RAB3B: variants seen among roughly 807,000 people sequenced by gnomAD.
The protein encoded by RAB3B is ras-related protein Rab-3B.
RAB3B carries 11 observed loss-of-function variants against 20.5 expected under a neutral mutation model. The observed-to-expected ratio is 0.54, with a 90% CI of 0.34 to 0.89. The LOEUF (loss-of-function observed/expected upper bound fraction) is 0.89. RAB3B is among the 40% of genes least tolerant of loss of function. RAB3B has a pLI of 0.02. For synonymous variants in RAB3B, 99 were observed against 106.3 expected, an observed-to-expected ratio of 0.93 and a Z score of 0.42; for missense variants, 225 against 280.9, an observed-to-expected ratio of 0.80 and a Z score of 1.42.
chr1:51,966,996 G>A (rs1395388391), intron 2 of RAB3B, among the ~76,000 whole-genome samples: 1 of 152,160 alleles, frequency 6.6e-6, no homozygotes, highest in Non-Finnish European at 1.5e-5. Flanking sequence ...CTCACTCTGA[G>A]CCTCAGCCTC....
rs2809925 is a variant in RAB3B, at chr1:51,917,411, G to A, written c.*2516C>T. 0.79 allele frequency: 119,891 copies of A among 152,048 alleles called. 47,981 individuals are homozygous for A. The highest frequency in any genetic ancestry group is 0.99 in the East Asian group (5,114 of 5,180). 9.4% of individuals were successfully genotyped at this position (152,048 alleles called of 1,614,324 possible). On this transcript the variant is annotated 3_prime_UTR_variant, in exon 5 of 5. Transcript: ENST00000371655. ...ATAAGTAGGAAATCAAGACTCAAAA[G>A]TGGAAAGTAACTGGCCCAGAGTCAC...
chr1:51,913,618 C>A lies in RAB3B; in HGVS notation c.*6309G>T, dbSNP rs1022516404. 1 of 152,040 alleles carries A rather than the reference C, an allele frequency of 6.6e-6. No individual in the cohort carries two copies. The highest frequency in any genetic ancestry group is 1.5e-5 in the Non-Finnish European group (1 of 68,024). The allele number at this position is 152,040 out of a possible 1,614,324, so 9.4% of individuals were successfully genotyped here. The stretch of plus-strand genomic sequence containing the variant: ...TCCCAAATAGCTGGGATTACAGATG[C>A]CCGCCACCACACCCAGCTAATTTTT... On this transcript the variant is annotated 3_prime_UTR_variant, in exon 5 of 5. Coordinates refer to ENST00000371655, the MANE Select transcript of RAB3B (RefSeq NM_002867.4).
chr1:51,988,324 AT>A (rs1333282859), intron 1 of RAB3B, among the ~76,000 whole-genome samples: 7 of 152,208 alleles, frequency 4.6e-5, no homozygotes, highest in South Asian at 2.1e-4. Flanking sequence ...CCACCTTCTC[AT>A]TGTTTTCCCA....
chr1:51,970,211 GC>G (rs1684910140), intron 2 of RAB3B, among the ~76,000 whole-genome samples: 1 of 152,076 alleles, frequency 6.6e-6, no homozygotes, highest in Admixed American at 6.5e-5. Context: ...TCTGCAATGG[GC>G]CCCACATAGA....
intron 2 of RAB3B, among the ~76,000 whole-genome samples, chr1:51,938,574 T>C (rs1394051054): frequency 1.3e-5 from 2 of 152,158 alleles, no homozygotes; most frequent in Non-Finnish European, 2.9e-5. Context: ...GTTTTATAAC[T>C]ATATGTGCAC....
In RAB3B at chr1:51,913,328, G is replaced by A. The variant is rs1684032237; in HGVS notation, c.*6599C>T. ...TACAGTTTTGCCACTTGTCTTTGGT[G>A]ATATCATCGGAGCCATGTTTTAAGA... On this transcript the variant is annotated 3_prime_UTR_variant, in exon 5 of 5. Transcript: ENST00000371655. 6.6e-6 allele frequency: 1 copy of A among 152,118 alleles called. No individual in the cohort carries two copies. The highest frequency in any genetic ancestry group is 2.4e-5 in the African/African-American group (1 of 41,420). 9.4% of individuals were successfully genotyped at this position (152,118 alleles called of 1,614,324 possible). A position where few individuals can be genotyped will look rare whatever the true frequency, so the allele number is the denominator to read the frequency against.
intron 2 of RAB3B, among the ~76,000 whole-genome samples, chr1:51,968,388 G>A (rs1684884504): frequency 6.6e-6 from 1 of 152,146 alleles, no homozygotes; most frequent in Non-Finnish European, 1.5e-5. Flanking sequence ...AAATTCTAGG[G>A]AAAAGTCTCT....
intron 4 of RAB3B, among the ~76,000 whole-genome samples, chr1:51,928,219 G>A (rs531669425): frequency 3.3e-4 from 50 of 152,252 alleles, no homozygotes; most frequent in African/African-American, 1.1e-3. Context: ...CGATTCTCCT[G>A]CCTCAGCCTC....
rs1684102804 is a variant in RAB3B at position 51,917,479 on chromosome 1, C to G, written c.*2448G>C. The G allele has an allele frequency of 6.6e-6, 1 of 151,998 alleles. No individual in the cohort carries two copies. 9.4% of individuals were successfully genotyped at this position (151,998 alleles called of 1,614,324 possible). ...AGTCCGGGTCTCCTGATTCCAAGTCCAAAGCTCTGCTCTCTGCATTGCATC... is the reference window on the plus strand; with the variant it reads ...AGTCCGGGTCTCCTGATTCCAAGTCGAAAGCTCTGCTCTCTGCATTGCATC... On this transcript the variant is annotated 3_prime_UTR_variant, in exon 5 of 5. Transcript: ENST00000371655.
intron 2 of RAB3B, among the ~76,000 whole-genome samples, chr1:51,941,810 C>T (rs1474037170): frequency 6.6e-6 from 1 of 152,224 alleles, no homozygotes; most frequent in Non-Finnish European, 1.5e-5. Context: ...CTTCTGACCA[C>T]ATACAGCAGT....
chr1:51,945,280 T>C (rs998333566), intron 2 of RAB3B, among the ~76,000 whole-genome samples: 7 of 152,148 alleles, frequency 4.6e-5, no homozygotes, highest in Non-Finnish European at 8.8e-5. Flanking sequence ...CCAGTGATCC[T>C]CCCACCTCAG....
At chr1:51,938,954 C>T (rs1041968321) in intron 2 of RAB3B, among the ~76,000 whole-genome samples, 1 of 152,124 alleles carries the variant, frequency 6.6e-6, no homozygotes, top group Admixed American at 6.5e-5. Context: ...AACCACTGTG[C>T]CCAGACTTCT....
chr1:51,921,922 C>CA (rs1307205495), intron 4 of RAB3B, among the ~76,000 whole-genome samples: 1 of 152,164 alleles, frequency 6.6e-6, no homozygotes. Context: ...TGAAGCCCCC[C>CA]AGGTATAAAC....
chr1:51,920,357 G>A (rs1485672301), intron 4 of RAB3B, among the ~76,000 whole-genome samples: 1 of 152,210 alleles, frequency 6.6e-6, no homozygotes, highest in Non-Finnish European at 1.5e-5. Flanking sequence ...ATTCCGGGCT[G>A]AGTCATTTAT....
chr1:51,982,651 G>A (rs1685102300), intron 1 of RAB3B, among the ~76,000 whole-genome samples: 1 of 151,998 alleles, frequency 6.6e-6, no homozygotes, highest in Admixed American at 6.6e-5. Flanking sequence ...TACTCAGGAG[G>A]CTGAGGCACA....
intron 4 of RAB3B, among the ~76,000 whole-genome samples, chr1:51,922,294 T>C (rs1441543219): frequency 2.6e-5 from 4 of 152,174 alleles, no homozygotes; most frequent in Non-Finnish European, 4.4e-5. Context: ...AAATAGGTTT[T>C]CAGCTCAGAT....
At chr1:51,979,829 GT>G (rs1247680995) in intron 1 of RAB3B, among the ~76,000 whole-genome samples, 1 of 151,092 alleles carries the variant, frequency 6.6e-6, no homozygotes, top group African/African-American at 2.4e-5. Context: ...AGATCACGAG[GT>G]CAGGAGATCG....
chr1:51,943,030 C>T (rs897777984), intron 2 of RAB3B, among the ~76,000 whole-genome samples: 2 of 152,104 alleles, frequency 1.3e-5, no homozygotes, highest in East Asian at 1.9e-4. Context: ...CCCATCTCTC[C>T]CTCTCTTCAG....
intron 4 of RAB3B, among the ~76,000 whole-genome samples, chr1:51,926,954 A>G (rs568182234): frequency 1.3e-5 from 2 of 152,366 alleles, no homozygotes; most frequent in South Asian, 4.1e-4. Context: ...ACTATACAGC[A>G]ATACAGATAC....
Sources: gnomAD v4.1 joint callset for allele counts (sites outside exome capture counted in the v4.1 genomes callset) on GRCh38, gnomAD v4.1.1 for gene constraint, MANE v1.5 for transcripts, NCBI Gene and HGNC (gene_info 2026-07-23, HGNC 2026-07-21) for gene names.